Variants in CACNA1A observed in about 807,000 individuals in gnomAD.
The protein encoded by CACNA1A is calcium voltage-gated channel subunit alpha1 A.
A neutral mutation model predicts 262.4 loss-of-function variants in CACNA1A; 57 were observed. That is an observed-to-expected ratio of 0.22 (90% CI 0.18 to 0.27). The LOEUF (loss-of-function observed/expected upper bound fraction) is 0.27, where lower values mean the gene tolerates loss of function less well. Ranked by LOEUF, CACNA1A falls within the 10% of genes least tolerant of loss-of-function variation. The pLI, the probability that CACNA1A is intolerant of heterozygous loss-of-function variation, is 1.00. For synonymous variants in CACNA1A, 1,431 were observed against 1,419.3 expected (o/e 1.01, Z -0.18); for missense variants, 2,526 against 3,562.8 (o/e 0.71, Z 7.41).
Position 13,452,006 on chromosome 19 carries a change from T to A in CACNA1A, c.539+870A>T, listed in dbSNP as rs190908615. The A allele has an allele frequency of 5.9e-5, 9 of 152,244 alleles. No homozygotes were observed. In the East Asian group the frequency reaches 1.7e-3, roughly 29 times the overall value. The allele number at this position is 152,244 out of a possible 1,614,324, so 9.4% of individuals were successfully genotyped here. On this transcript the variant is annotated intron_variant, in intron 3 of 46. Transcript: ENST00000360228. The stretch of plus-strand genomic sequence containing the variant: ...CCTGGTTAATTTTTATTTTATTTTA[T>A]GTTTTACAGATGGGGGGGTGGTCTC...
intron 3 of CACNA1A, among the ~76,000 whole-genome samples, chr19:13,381,291 G>C (rs1228488873): frequency 6.6e-6 from 1 of 152,062 alleles, no homozygotes; most frequent in African/African-American, 2.4e-5. Context: ...CCAGCTACTC[G>C]GGAGGCTGTT....
At chr19:13,313,105 C>G (rs2058064069) in intron 11 of CACNA1A, among the ~76,000 whole-genome samples, 1 of 152,094 alleles carries the variant, frequency 6.6e-6, no homozygotes, top group East Asian at 1.9e-4. Context: ...AAGTGATCCT[C>G]CCAGCACAGC....
chr19:13,208,964 G>A lies in CACNA1A; in HGVS notation c.6572C>T (p.Pro2191Leu), dbSNP rs377294817. 1.9e-5 allele frequency: 29 copies of A among 1,537,478 alleles called. No individual in the cohort carries two copies. The highest frequency in any genetic ancestry group is 3.6e-5 in the South Asian group (3 of 84,070). Residue 2191 changes from proline (P) to leucine (L), a missense_variant, in exon 46 of 47, where the codon CCG (proline) becomes CTG (leucine). By Grantham distance (98) the Pro-to-Leu change is moderately conservative. This residue lies in a region of CACNA1A where 929 missense variants were observed against 868.1 expected (regional missense o/e 1.07). Coordinates refer to ENST00000360228, the MANE Select transcript of CACNA1A (RefSeq NM_001127222.2). Reference protein sequence around the residue: ...LSMTTQSGDLPSKERDQERGR... With the variant: ...LSMTTQSGDLLSKERDQERGR... ...CCGCTCCTGGTCCCGCTCCTTCGAC[G>A]GCAGGTCCCCGGATTGGGTGGTCAT... is the stretch of plus-strand genomic sequence containing the variant.
intron 3 of CACNA1A, among the ~76,000 whole-genome samples, chr19:13,394,258 G>A (rs1241457986): frequency 6.6e-6 from 1 of 152,092 alleles, no homozygotes; most frequent in East Asian, 1.9e-4. Context: ...ACATGGCTGG[G>A]CTGGGTCTTA....
chr19:13,325,929 G>A (rs971288729), intron 10 of CACNA1A, among the ~76,000 whole-genome samples: 1 of 152,052 alleles, frequency 6.6e-6, no homozygotes, highest in African/African-American at 2.4e-5. Flanking sequence ...CCTACTCTCT[G>A]AGCAATTTTC....
intron 3 of CACNA1A, among the ~76,000 whole-genome samples, chr19:13,448,103 C>T (rs1242436483): frequency 6.7e-6 from 1 of 149,556 alleles, no homozygotes; most frequent in African/African-American, 2.5e-5. Flanking sequence ...AAAAACAGGG[C>T]TGCAAAAGCC....
intron 7 of CACNA1A, 90 bp from the exon 8 acceptor site, chr19:13,334,583 GTGTGTGTGTT>G (rs1400974476): frequency 9.0e-6 from 6 of 669,784 alleles, no homozygotes; most frequent in African/African-American, 5.8e-5. Context: ...GTGTGTGTGT[GTGTGTGTGTT>G]TGTGTGTGTG....
intron 15 of CACNA1A, 147 bp from the exon 16 acceptor site, chr19:13,304,031 C>T (rs557639449): frequency 4.9e-5 from 31 of 628,616 alleles, no homozygotes; most frequent in African/African-American, 4.4e-4. Context: ...AGCCAGACTC[C>T]GTGTTGGCTT....
chr19:13,448,533 T>A (rs2060858377), intron 3 of CACNA1A, among the ~76,000 whole-genome samples: 1 of 151,938 alleles, frequency 6.6e-6, no homozygotes, highest in Admixed American at 6.6e-5. Context: ...CACACAGGGA[T>A]TTTTAAGGCT....
At chr19:13,218,013 C>T (rs2900849) in intron 38 of CACNA1A, among the ~76,000 whole-genome samples, 1,900 of 147,660 alleles carry the variant, frequency 0.013, 32 homozygotes, top group African/African-American at 0.045. Flanking sequence ...TGGCCTCAAA[C>T]GATCCTCCAG....
chr19:13,332,761 C>A (rs1335767055), intron 9 of CACNA1A, 108 bp downstream of exon 9: 5 of 649,756 alleles, frequency 7.7e-6, no homozygotes, highest in Non-Finnish European at 1.4e-5. Flanking sequence ...GGAACGTCTA[C>A]CCTCTGCAAG....
At chr19:13,341,108 T>C (rs1391279207) in intron 6 of CACNA1A, among the ~76,000 whole-genome samples, 1 of 151,740 alleles carries the variant, frequency 6.6e-6, no homozygotes, top group African/African-American at 2.4e-5. Flanking sequence ...AAGTAAATAA[T>C]AAGAAAAGGA....
At chr19:13,255,381 T>C (rs2144735898) in intron 28 of CACNA1A, 122 bp from the exon 29 acceptor site, 1 of 856,838 alleles carries the variant, frequency 1.2e-6, no homozygotes, top group East Asian at 2.8e-5. Context: ...CTGCCTCTCT[T>C]GCCCCCAGCC....
At chr19:13,400,418 T>A (rs1427193929) in intron 3 of CACNA1A, among the ~76,000 whole-genome samples, 3 of 152,186 alleles carry the variant, frequency 2.0e-5, no homozygotes. Flanking sequence ...GCCTGCAGTG[T>A]CCCAGTCCTT....
intron 18 of CACNA1A, 86 bp downstream of exon 18, chr19:13,300,464 C>CGGGT (rs2057765278): frequency 2.2e-6 from 2 of 903,254 alleles, no homozygotes; most frequent in East Asian, 4.8e-5. Flanking sequence ...TGTCAAGGAC[C>CGGGT]ACCCCCACTG....
In CACNA1A at chr19:13,275,867, C is replaced by T. The variant is rs767693212; in HGVS notation, c.3972G>A (p.Leu1324=). Residue 1324 remains leucine (L), a synonymous_variant, in exon 24 of 47, where the codon CTG becomes CTA. Coordinates refer to ENST00000360228, the MANE Select transcript of CACNA1A (RefSeq NM_001127222.2). ...ILDFIVVSGA[L]VAFAFTGNSK... is the part of the protein sequence containing the mutation. ...AGACTTACGTGAAGGCAAAGGCTACCAGGGCCCCACTGACCACTATGAAGT... is the reference window on the plus strand; with the variant it reads ...AGACTTACGTGAAGGCAAAGGCTACTAGGGCCCCACTGACCACTATGAAGT... The T allele has an allele frequency of 2.5e-6, 4 of 1,613,326 alleles. No homozygotes were observed. In the East Asian group the frequency reaches 8.9e-5, roughly 36 times the overall value.
chr19:13,408,768 G>C (rs1262779654), intron 3 of CACNA1A, among the ~76,000 whole-genome samples: 1 of 152,150 alleles, frequency 6.6e-6, no homozygotes, highest in Non-Finnish European at 1.5e-5. Flanking sequence ...GACAGTAGTT[G>C]GTCAAAGGAA....
chr19:13,260,303 T>C (rs894249105), intron 26 of CACNA1A: 2 of 110,618 alleles, frequency 1.8e-5, no homozygotes, highest in Non-Finnish European at 3.8e-5. Context: ...TGCGTGTACA[T>C]ATATATATAT....
In CACNA1A at chr19:13,227,415, G is replaced by T; in HGVS notation, c.5625+16C>A. Reference sequence around the variant, plus strand: ...ACCCAGTGCCTGGACGTCGGTGGTCGGCAAGGGTAGTCTACCTTGTAAGCC... The same window carrying T: ...ACCCAGTGCCTGGACGTCGGTGGTCTGCAAGGGTAGTCTACCTTGTAAGCC... On this transcript the variant is annotated intron_variant, in intron 37 of 46. Transcript: ENST00000360228. 6.8e-7 allele frequency: 1 copy of T among 1,475,268 alleles called. No homozygotes were observed. The highest frequency in any genetic ancestry group is 9.3e-7 in the Non-Finnish European group (1 of 1,079,274). The allele number at this position is 1,475,268 out of a possible 1,614,324, so 91.4% of individuals were successfully genotyped here.
Sources: gnomAD v4.1 joint callset for allele counts (sites outside exome capture counted in the v4.1 genomes callset) on GRCh38, gnomAD v4.1.1 for gene constraint, gnomAD v4.1.1 regional missense constraint, MANE v1.5 for transcripts, NCBI Gene and HGNC (gene_info 2026-07-23, HGNC 2026-07-21) for gene names.